SPMIP4: variants seen among roughly 807,000 people sequenced by gnomAD.
The protein encoded by SPMIP4 is sperm microtubule inner protein 4.
the SPMIP4 span, among the ~76,000 whole-genome samples, chr7:25,149,706 G>A: frequency 2.0e-5 from 3 of 152,220 alleles, no homozygotes; most frequent in Non-Finnish European, 4.4e-5. Flanking sequence ...GAAGTCAGAT[G>A]AGGGAGATAT....
At chr7:25,160,531 TC>T in the SPMIP4 span, among the ~76,000 whole-genome samples, 2 of 152,312 alleles carry the variant, frequency 1.3e-5, no homozygotes, top group African/African-American at 4.8e-5. Context: ...ACTCCTGACC[TC>T]AGGTGATGCA....
the SPMIP4 span, chr7:25,151,749 T>C: frequency 4.4e-5 from 37 of 844,770 alleles, no homozygotes; most frequent in Non-Finnish European, 7.7e-6. Context: ...GTACAATAAA[T>C]AGAAATGAGA....
chr7:25,142,563 G>C, the SPMIP4 span: 3 of 1,284,634 alleles, frequency 2.3e-6, no homozygotes, highest in Admixed American at 2.2e-5. Flanking sequence ...AACATGAGAA[G>C]TTGAAAGCTT....
At chr7:25,163,002 C>T in the SPMIP4 span, among the ~76,000 whole-genome samples, 503 of 152,264 alleles carry the variant, frequency 3.3e-3, 2 homozygotes, top group Non-Finnish European at 5.1e-3. This position sits in a 1 kb window ranked among gnomAD's most constrained non-coding sequence, Gnocchi z 4.4. Context: ...CTCAGGTGGT[C>T]CGCCCACCTC....
At chr7:25,178,212 T>C in the SPMIP4 span, among the ~76,000 whole-genome samples, 6 of 152,240 alleles carry the variant, frequency 3.9e-5, no homozygotes, top group Non-Finnish European at 7.3e-5. Context: ...CAACCACTGA[T>C]GGTCATTTAT....
At chr7:25,177,264 C>T in the SPMIP4 span, among the ~76,000 whole-genome samples, 2 of 152,088 alleles carry the variant, frequency 1.3e-5, no homozygotes, top group Admixed American at 6.6e-5. Flanking sequence ...GGATGGATCA[C>T]GAGGTCAGGA....
At chr7:25,144,993 G>A in the SPMIP4 span, among the ~76,000 whole-genome samples, 2 of 141,516 alleles carry the variant, frequency 1.4e-5, no homozygotes, top group African/African-American at 5.3e-5. Flanking sequence ...TCTTGCTCTT[G>A]CTCTTGTCCC....
chr7:25,168,813 C>T, the SPMIP4 span, among the ~76,000 whole-genome samples: 23,890 of 150,160 alleles, frequency 0.16, 2,494 homozygotes, highest in African/African-American at 0.3. Flanking sequence ...GCAGCCTCTG[C>T]CTCCTGGGTT....
chr7:25,153,027 A>G, the SPMIP4 span, among the ~76,000 whole-genome samples: 1 of 152,006 alleles, frequency 6.6e-6, no homozygotes, highest in South Asian at 2.1e-4. Context: ...TACAGGCATG[A>G]GCCACCACAC....
the SPMIP4 span, among the ~76,000 whole-genome samples, chr7:25,162,115 G>GA: frequency 2.0e-5 from 3 of 151,174 alleles, no homozygotes; most frequent in African/African-American, 7.3e-5. Flanking sequence ...ACTAAAAATA[G>GA]AAAAAATTTG....
the SPMIP4 span, among the ~76,000 whole-genome samples, chr7:25,177,858 G>A: frequency 6.6e-6 from 1 of 152,038 alleles, no homozygotes; most frequent in Non-Finnish European, 1.5e-5. Context: ...TCATTATACA[G>A]GTAAATTGCA....
chr7:25,148,281 A>G, the SPMIP4 span, among the ~76,000 whole-genome samples: 6 of 152,294 alleles, frequency 3.9e-5, no homozygotes, highest in Non-Finnish European at 8.8e-5. Flanking sequence ...ACTATAAAAA[A>G]TATCCTCCTG....
chr7:25,135,254 T>C, the SPMIP4 span: 98 of 899,186 alleles, frequency 1.1e-4, no homozygotes, highest in Non-Finnish European at 1.3e-4. Context: ...ATTAAGGCCA[T>C]TGCTAGATCT....
At chr7:25,142,463 C>T in the SPMIP4 span, 7 of 834,518 alleles carry the variant, frequency 8.4e-6, no homozygotes, top group Admixed American at 1.9e-4. Flanking sequence ...ACCAACCCTA[C>T]CTCCCAGCTA....
chr7:25,147,911 C>T, the SPMIP4 span, among the ~76,000 whole-genome samples: 3 of 152,048 alleles, frequency 2.0e-5, no homozygotes, highest in African/African-American at 7.2e-5. Flanking sequence ...AGTATGTTAC[C>T]CAGGTCACAG....
At chr7:25,135,818 C>T in the SPMIP4 span, 3 of 1,369,332 alleles carry the variant, frequency 2.2e-6, no homozygotes, top group East Asian at 5.3e-5. Flanking sequence ...GTTCCTCCAA[C>T]CAGATACTAA....
chr7:25,165,897 C>T, the SPMIP4 span, among the ~76,000 whole-genome samples: 3 of 152,218 alleles, frequency 2.0e-5, no homozygotes, highest in Non-Finnish European at 4.4e-5. Context: ...ACCCTCTCTA[C>T]ATTTTGCTAG....
the SPMIP4 span, chr7:25,179,639 T>C: frequency 4.9e-6 from 1 of 203,720 alleles, no homozygotes; most frequent in African/African-American, 2.3e-5. Flanking sequence ...TAAATTTAAC[T>C]ATAACTATTC....
the SPMIP4 span, among the ~76,000 whole-genome samples, chr7:25,166,949 G>A: frequency 2.0e-5 from 3 of 152,154 alleles, no homozygotes; most frequent in Non-Finnish European, 4.4e-5. Flanking sequence ...AGTGGAACAA[G>A]TATTTTCTCT....
Sources: gnomAD v4.1 joint callset for allele counts (sites outside exome capture counted in the v4.1 genomes callset) on GRCh38, gnomAD v4.1.1 for gene constraint, Gnocchi (gnomAD v3.1) non-coding constraint, MANE v1.5 for transcripts, NCBI Gene and HGNC (gene_info 2026-07-23, HGNC 2026-07-21) for gene names.